HDAC4: variants seen among roughly 807,000 people sequenced by gnomAD.
The protein encoded by HDAC4 is histone deacetylase A.
Under a neutral mutation model 135.1 loss-of-function variants are expected in HDAC4, and 16 were observed. The observed-to-expected ratio is 0.12, with a 90% CI of 0.08 to 0.18. The LOEUF is 0.18. Ranked by LOEUF, HDAC4 falls within the 10% of genes least tolerant of loss-of-function variation. The probability of loss-of-function intolerance (pLI) is 1.00; values close to 1 mark genes in which losing one functional copy is unlikely to be tolerated. For synonymous variants in HDAC4, 685 were observed against 653.4 expected (o/e 1.05, Z -0.74); for missense variants, 1,143 against 1,511.8 (o/e 0.76, Z 4.05).
At chr2:239,315,609 C>T (rs909376465) in intron 2 of HDAC4, among the ~76,000 whole-genome samples, 10 of 152,112 alleles carry the variant, frequency 6.6e-5, no homozygotes, top group African/African-American at 1.9e-4. Context: ...GAAGTACAGA[C>T]GGAACTCCAG....
In HDAC4 at chr2:239,335,264, A is replaced by G. The variant is rs186470745; in HGVS notation, c.22+17414T>C. Among the ~76,000 whole-genome samples, 26 of 152,172 alleles carry G rather than the reference A, an allele frequency of 1.7e-4. 1 individual carries two copies. The Middle Eastern group carries it at 0.01, about 60-fold the overall frequency. On this transcript the variant is annotated intron_variant, in intron 2 of 26. Coordinates refer to ENST00000543185, the MANE Select transcript of HDAC4 (RefSeq NM_001378414.1). ...TTTATTTCACTTATGACAAAGTTGCATTGGATAGCAGAGAAGAAAGGATGA... is the reference window on the plus strand; with the variant it reads ...TTTATTTCACTTATGACAAAGTTGCGTTGGATAGCAGAGAAGAAAGGATGA...
intron 2 of HDAC4, among the ~76,000 whole-genome samples, chr2:239,330,013 C>T (rs1691458553): frequency 6.6e-6 from 1 of 152,238 alleles, no homozygotes; most frequent in Non-Finnish European, 1.5e-5. Flanking sequence ...TGGAGAGGAG[C>T]TGCTGGCCCG....
chr2:239,141,213 G>A lies in HDAC4; in HGVS notation c.866-1417C>T, dbSNP rs1319443619. On this transcript the variant is annotated intron_variant, in intron 8 of 26. Transcript: ENST00000543185. This position sits in a 1 kb window ranked among gnomAD's most constrained non-coding sequence, Gnocchi z 4.9. ...AAGGCGCACCTCCTCTGTTGACCACGCTGCCCACCAGGAACACCCTGGGAA... is the reference window on the plus strand; with the variant it reads ...AAGGCGCACCTCCTCTGTTGACCACACTGCCCACCAGGAACACCCTGGGAA... Among the ~76,000 whole-genome samples, 1 of 152,082 alleles carries A rather than the reference G, an allele frequency of 6.6e-6. No homozygotes were observed. Among genetic ancestry groups the A allele is most frequent in the Admixed American group, 6.5e-5 (1 of 15,274 alleles).
At chr2:239,184,331 T>TG (rs369206319) in intron 4 of HDAC4, among the ~76,000 whole-genome samples, 13 of 95,866 alleles carry the variant, frequency 1.4e-4, no homozygotes, top group Admixed American at 1.1e-3. Flanking sequence ...CCTATGGTGG[T>TG]GGGGGGGTCC....
intron 22 of HDAC4, among the ~76,000 whole-genome samples, chr2:239,072,856 G>A (rs1366248592): frequency 1.3e-5 from 2 of 152,178 alleles, no homozygotes; most frequent in African/African-American, 4.8e-5. Context: ...GATTTCTGGT[G>A]GTGGAGGGAC....
At chr2:239,319,883 G>A (rs958851058) in intron 2 of HDAC4, among the ~76,000 whole-genome samples, 15 of 152,178 alleles carry the variant, frequency 9.9e-5, no homozygotes, top group Non-Finnish European at 1.9e-4. Flanking sequence ...ACATGTGCAT[G>A]TATGATAAAA....
intron 2 of HDAC4, among the ~76,000 whole-genome samples, chr2:239,302,242 G>A (rs994354584): frequency 2.0e-5 from 3 of 152,112 alleles, no homozygotes; most frequent in African/African-American, 7.2e-5. Context: ...GGCAGGCGGC[G>A]GCCAAAGCCC....
At chr2:239,092,199 G>A (rs1488533465) in intron 17 of HDAC4, among the ~76,000 whole-genome samples, 2 of 150,686 alleles carry the variant, frequency 1.3e-5, no homozygotes, top group African/African-American at 2.4e-5. Context: ...TGAATGCACC[G>A]CTGCACTCCA....
intron 2 of HDAC4, among the ~76,000 whole-genome samples, chr2:239,252,150 T>C (rs1296557586): frequency 6.6e-6 from 1 of 152,222 alleles, no homozygotes; most frequent in Non-Finnish European, 1.5e-5. Context: ...ACATGACGAC[T>C]GTCATGGTGG....
Position 239,335,508 on chromosome 2 carries a change from CAAAAAAAAAAAA to C in HDAC4, c.22+17158_22+17169del, listed in dbSNP as rs61007856. On this transcript the variant is annotated intron_variant, in intron 2 of 26. Transcript: ENST00000543185. ...ATTAAAATTAAGAGCATCTGTTCAGCAAAAAAAAAAAAAAAAAAAAAACACCATTAAGAAAGG... is the reference window on the plus strand; with the variant it reads ...ATTAAAATTAAGAGCATCTGTTCAGCAAAAAAAAAACACCATTAAGAAAGG... Among the ~76,000 whole-genome samples, 5 of 59,384 alleles carry C rather than the reference CAAAAAAAAAAAA, an allele frequency of 8.4e-5. No homozygotes were observed. In the South Asian group the frequency reaches 2.6e-3, roughly 31 times the overall value. 39.0% of individuals were successfully genotyped at this position (59,384 alleles called of 152,430 possible).
chr2:239,390,630 G>C (rs953826419), intron 1 of HDAC4, among the ~76,000 whole-genome samples: 46 of 152,022 alleles, frequency 3.0e-4, no homozygotes, highest in African/African-American at 9.9e-4. Flanking sequence ...ACCTGTGGAG[G>C]AGCTGTGCCC....
At chr2:239,267,456 G>A (rs778902091) in intron 2 of HDAC4, among the ~76,000 whole-genome samples, 1 of 152,220 alleles carries the variant, frequency 6.6e-6, no homozygotes, top group Non-Finnish European at 1.5e-5. Flanking sequence ...TACAACGGTG[G>A]ACAGCAAGGA....
At chr2:239,143,032 A>T (rs1027598846) in intron 8 of HDAC4, among the ~76,000 whole-genome samples, 7 of 152,214 alleles carry the variant, frequency 4.6e-5, no homozygotes, top group Non-Finnish European at 1.0e-4. Flanking sequence ...CTCAGCACTG[A>T]TCACGCCCTG....
chr2:239,362,031 T>G (rs926232818), intron 1 of HDAC4, among the ~76,000 whole-genome samples: 1 of 152,338 alleles, frequency 6.6e-6, no homozygotes, highest in Non-Finnish European at 1.5e-5. Flanking sequence ...TAATAAATAA[T>G]AGACGAATGT....
intron 1 of HDAC4, among the ~76,000 whole-genome samples, chr2:239,382,537 A>C (rs948586020): frequency 6.6e-6 from 1 of 152,186 alleles, no homozygotes; most frequent in Non-Finnish European, 1.5e-5. Context: ...AGTGACCCAG[A>C]TGGGCCACGT....
chr2:239,187,084 C>T (rs2044601229), intron 4 of HDAC4: 2 of 152,734 alleles, frequency 1.3e-5, no homozygotes, highest in African/African-American at 4.8e-5. Context: ...CAGGGCTCAC[C>T]AGGGTGCAGT....
chr2:239,219,119 G>GTA (rs1453601355), intron 3 of HDAC4, among the ~76,000 whole-genome samples: 2 of 145,504 alleles, frequency 1.4e-5, no homozygotes, highest in Non-Finnish European at 3.0e-5. Context: ...CCATTACTGG[G>GTA]TATATACCCA....
chr2:239,094,472 C>T (rs1411796428), intron 17 of HDAC4: 9 of 996,810 alleles, frequency 9.0e-6, no homozygotes, highest in Middle Eastern at 5.1e-4. Flanking sequence ...ATCATCAGTT[C>T]GTAGAAGCTG....
chr2:239,121,327 C>T (rs932555900), intron 12 of HDAC4, among the ~76,000 whole-genome samples: 13 of 152,214 alleles, frequency 8.5e-5, no homozygotes, highest in East Asian at 3.9e-4. Context: ...CCCCTATGCA[C>T]AGATGAATGG....
Sources: allele counts gnomAD v4.1 joint callset (sites outside exome capture counted in the v4.1 genomes callset), GRCh38; gene constraint gnomAD v4.1.1; non-coding constraint Gnocchi (gnomAD v3.1); transcripts MANE v1.5; gene names NCBI Gene and HGNC (gene_info 2026-07-23, HGNC 2026-07-21).